The following MAN2B1 variants were observed in gnomAD, a reference collection of about 807,000 sequenced individuals.
The protein encoded by MAN2B1 is mannosidase alpha class 2B member 1, also known as lysosomal alpha-mannosidase.
Under a neutral mutation model 127.5 loss-of-function variants are expected in MAN2B1, and 99 were observed. The ratio of observed to expected loss-of-function variants is 0.78; its 90% CI spans 0.66 to 0.92. The LOEUF is 0.92. MAN2B1 is among the 40% of genes least tolerant of loss of function. MAN2B1 has a pLI of 0.00. For synonymous variants in MAN2B1, 573 were observed against 568.8 expected, an observed-to-expected ratio of 1.01 and a Z score of -0.11; for missense variants, 1,304 against 1,384.8, an observed-to-expected ratio of 0.94 and a Z score of 0.93.
At chr19:12,660,979 G>A (rs1336790728) in intron 7 of MAN2B1, 4 of 374,504 alleles carry the variant, frequency 1.1e-5, no homozygotes, top group East Asian at 6.5e-5. Context: ...GGCTGGTCTC[G>A]AATTCCTGAC....
chr19:12,647,695 G>A lies in MAN2B1; in HGVS notation c.2665-97C>T. 9.7e-7 allele frequency: 1 copy of A among 1,035,134 alleles called. No individual in the cohort carries two copies. Among genetic ancestry groups the A allele is most frequent in the South Asian group, 1.5e-5 (1 of 65,276 alleles). 64.1% of individuals were successfully genotyped at this position (1,035,134 alleles called of 1,614,324 possible). A position where few individuals can be genotyped will look rare whatever the true frequency, so the allele number is the denominator to read the frequency against. The stretch of plus-strand genomic sequence containing the variant: ...GTCAGGAGGCAGGGCTAGGTTGTAG[G>A]GGCGGGGTTTCGCCGGAGAGGGGCA... On this transcript the variant is annotated intron_variant, in intron 21 of 23. Coordinates refer to ENST00000456935, the MANE Select transcript of MAN2B1 (RefSeq NM_000528.4). The surrounding 1 kb of genome is among the most constrained non-coding windows in gnomAD (Gnocchi z 4.9).
Position 12,665,389 on chromosome 19 carries a change from A to G in MAN2B1, c.399T>C (p.Asn133=), listed in dbSNP as rs2024206780. 3.8e-6 allele frequency: 6 copies of G among 1,599,350 alleles called. No individual in the cohort carries two copies. Among genetic ancestry groups the G allele is most frequent in the African/African-American group, 2.7e-5 (2 of 74,276 alleles). Residue 133 remains asparagine, a synonymous_variant, in exon 3 of 24, where the codon AAT becomes AAC. Coordinates refer to ENST00000456935, the MANE Select transcript of MAN2B1 (RefSeq NM_000528.4). ...GGTCTCGCACGACTTCCTGTGTGGCATTTGTCTGCTGGTGCCACCAACGGG... is the reference window on the plus strand; with the variant it reads ...GGTCTCGCACGACTTCCTGTGTGGCGTTTGTCTGCTGGTGCCACCAACGGG... ...FFSRWWHQQT[N]ATQEVVRDLV...
intron 18 of MAN2B1, 29 bp from the exon 19 acceptor site, chr19:12,649,457 T>C (rs758193560): frequency 5.2e-6 from 6 of 1,164,744 alleles, no homozygotes; most frequent in African/African-American, 1.7e-5. Flanking sequence ...TGATCAGGCT[T>C]GGGATCTGGC....
intron 3 of MAN2B1, 132 bp downstream of exon 3, chr19:12,665,220 G>A: frequency 8.2e-7 from 1 of 1,216,472 alleles, no homozygotes; most frequent in African/African-American, 1.5e-5. Flanking sequence ...TCTCCAAATG[G>A]AGAGTCCAGG....
At position 12,648,357 on chromosome 19, in the gene MAN2B1, G is replaced by A; in HGVS notation, c.2482C>T (p.Pro828Ser). The A allele has an allele frequency of 6.2e-7, 1 of 1,613,556 alleles. No individual in the cohort carries two copies. Among genetic ancestry groups the A allele is most frequent in the Non-Finnish European group, 8.5e-7 (1 of 1,179,674 alleles). ...GCCCCCGACCCGTTCTCCATTAGTGGCTCCGATACTCCGCGTCCATCGTCC... is the reference window on the plus strand; with the variant it reads ...GCCCCCGACCCGTTCTCCATTAGTGACTCCGATACTCCGCGTCCATCGTCC... Reference protein sequence around the residue: ...LKDDGRGVSEPLMENGSGAWV... With the variant: ...LKDDGRGVSESLMENGSGAWV... The change falls in exon 21 of 24, where the codon CCA becomes TCA. Residue 828 changes from proline to serine, a missense_variant. Pro to Ser is a moderately conservative substitution (Grantham distance 74). Coordinates refer to ENST00000456935, the MANE Select transcript of MAN2B1 (RefSeq NM_000528.4).
chr19:12,649,828 T>G (rs2023798300), intron 18 of MAN2B1, 85 bp downstream of exon 18: 1 of 1,150,776 alleles, frequency 8.7e-7, no homozygotes, highest in Non-Finnish European at 1.3e-6. Flanking sequence ...TCTCCCACAC[T>G]CATGTAATCA....
intron 20 of MAN2B1, 134 bp from the exon 21 acceptor site, chr19:12,648,536 G>A: frequency 1.5e-6 from 1 of 685,854 alleles, no homozygotes; most frequent in South Asian, 1.8e-5. Context: ...ATGAAGGTGA[G>A]GGTCTGGTAG....
In MAN2B1 at chr19:12,664,880, T is replaced by A; in HGVS notation, c.542A>T (p.Asp181Val). The A allele has an allele frequency of 6.2e-7, 1 of 1,614,118 alleles. No homozygotes were observed. Among genetic ancestry groups the A allele is most frequent in the Non-Finnish European group, 8.5e-7 (1 of 1,180,012 alleles). The change falls in exon 4 of 24, where the codon GAC (aspartate) becomes GTC (valine). Residue 181 changes from aspartate to valine, a missense_variant. Physicochemically the swap from Asp to Val is radical, Grantham distance 152 (BLOSUM62 -3). Coordinates refer to ENST00000456935, the MANE Select transcript of MAN2B1 (RefSeq NM_000528.4). The stretch of plus-strand genomic sequence containing the variant: ...GGGTCGCCCATCATTGCCAAATGTG[T>A]CCTCCAGAAAGCGCAGCCCAAGTGT... ...QMTLGLRFLE[D>V]TFGNDGRPRV...
intron 6 of MAN2B1, among the ~76,000 whole-genome samples, 184 bp downstream of exon 6, chr19:12,663,133 G>A (rs551528160): frequency 6.6e-6 from 1 of 151,616 alleles, no homozygotes; most frequent in South Asian, 2.1e-4. Flanking sequence ...GTGCTTGTTT[G>A]AACCCAGGAG....
chr19:12,664,209 G>A (rs991610915), intron 4 of MAN2B1, among the ~76,000 whole-genome samples: 1 of 152,154 alleles, frequency 6.6e-6, no homozygotes, highest in Non-Finnish European at 1.5e-5. Flanking sequence ...CTGGATGACA[G>A]CAAGACCCTG....
rs1218732376 is a variant in MAN2B1, at chr19:12,650,066, C to G, written c.2165+38G>C. On this transcript the variant is annotated intron_variant, in intron 17 of 23. Transcript: ENST00000456935. ...TGAGCCTTGGATAAACCCCTCTGCC[C>G]TTGCTTCCACACCCCTCTCCCAGCC... 3.7e-6 allele frequency: 6 copies of G among 1,611,060 alleles called. No homozygotes were observed. In the African/African-American group the frequency reaches 8.0e-5, roughly 22 times the overall value.
Position 12,663,472 on chromosome 19 carries a change from A to G in MAN2B1, c.764-10T>C. 6.2e-7 allele frequency: 1 copy of G among 1,613,544 alleles called. No homozygotes were observed. The highest frequency in any genetic ancestry group is 8.5e-7 in the Non-Finnish European group (1 of 1,179,864). ...CCATTGGGAAGCACACCTGCAGGTC[A>G]CACCAAGTTCAAGGGGTGGCCCATC... On this transcript the variant is annotated splice_polypyrimidine_tract_variant and intron_variant, in intron 5 of 23. Transcript: ENST00000456935.
chr19:12,663,268 TC>T lies in MAN2B1; in HGVS notation c.909+48del. 3 of 1,606,884 alleles carry T rather than the reference TC, an allele frequency of 1.9e-6. 1 individual carries two copies. In the South Asian group the frequency reaches 3.3e-5, roughly 18 times the overall value. Reference sequence around the variant, plus strand: ...GGGATGCCTGTACCATGGAAAGAGCTCATTGTATTGTATATACCGGACTCGA... The same window carrying T: ...GGGATGCCTGTACCATGGAAAGAGCTATTGTATTGTATATACCGGACTCGA... On this transcript the variant is annotated intron_variant, in intron 6 of 23. Transcript: ENST00000456935.
chr19:12,657,811 C>T, intron 10 of MAN2B1: 1 of 607,390 alleles, frequency 1.6e-6, no homozygotes, highest in Non-Finnish European at 2.9e-6. Context: ...AAAAATTAGC[C>T]GGGCGTGGTG....
Position 12,665,777 on chromosome 19 carries a change from A to G in MAN2B1, c.188T>C (p.Leu63Pro). ...ETCPTVQPNM[L>P]NVHLLPHTHD... ...TGTGTGAGGCAGCAGGTGCACGTTC[A>G]GCATGTTCGGCTGCACTGTGGGGCA... is the stretch of plus-strand genomic sequence containing the variant. Residue 63 changes from leucine to proline, a missense_variant, in exon 2 of 24, where the codon CTG becomes CCG. Leu to Pro is a moderately conservative substitution (Grantham distance 98). Transcript: ENST00000456935. The G allele has an allele frequency of 6.2e-7, 1 of 1,614,152 alleles. No homozygotes were observed. Among genetic ancestry groups the G allele is most frequent in the East Asian group, 2.2e-5 (1 of 44,886 alleles).
chr19:12,661,094 T>C, intron 7 of MAN2B1, 166 bp downstream of exon 7: 1 of 640,012 alleles, frequency 1.6e-6, no homozygotes, highest in East Asian at 2.9e-5. Flanking sequence ...TGTAAGACAA[T>C]GTATTTCTGT....
intron 11 of MAN2B1, 102 bp from the exon 12 acceptor site, chr19:12,657,158 C>T (rs2023983933): frequency 3.8e-6 from 3 of 779,662 alleles, no homozygotes; most frequent in African/African-American, 1.7e-5. Flanking sequence ...CCGCCTCCCT[C>T]AAGAGTCGCC....
Position 12,663,735 on chromosome 19 carries a change from C to A in MAN2B1, c.731G>T (p.Ser244Ile). 3 of 1,613,588 alleles carry A rather than the reference C, an allele frequency of 1.9e-6. No homozygotes were observed. Among genetic ancestry groups the A allele is most frequent in the Non-Finnish European group, 2.5e-6 (3 of 1,179,904 alleles). The change falls in exon 5 of 24, where the codon AGC becomes ATC. Residue 244 changes from serine to isoleucine, a missense_variant. Coordinates refer to ENST00000456935, the MANE Select transcript of MAN2B1 (RefSeq NM_000528.4). ...GAGGTCCGCGGTCGGGGGCTTCAGG[C>A]TGGTGCTGGCCCGCCACACCTGCTC... ...EMEQVWRAST[S>I]LKPPTADLFT...
chr19:12,658,447 TC>T lies in MAN2B1; in HGVS notation c.1089del (p.Asn364ThrfsTer9). On this transcript the variant is annotated frameshift_variant, in exon 8 of 24. Transcript: ENST00000456935. LOFTEE classifies it high-confidence loss of function. ...YSTPACYLWE[L>X]NKANLTWSVK... Reference sequence around the variant, plus strand: ...AAATACCAGGTGAGGTTGGCCTTGTTCAGCTCCCAGAGGTAACAAGCGGGGG... The same window carrying T: ...AAATACCAGGTGAGGTTGGCCTTGTTAGCTCCCAGAGGTAACAAGCGGGGG... 6.2e-7 allele frequency: 1 copy of T among 1,614,204 alleles called. No individual in the cohort carries two copies. Among genetic ancestry groups the T allele is most frequent in the East Asian group, 2.2e-5 (1 of 44,878 alleles).
Sources: allele counts gnomAD v4.1 joint callset (sites outside exome capture counted in the v4.1 genomes callset), GRCh38; gene constraint gnomAD v4.1.1; non-coding constraint Gnocchi (gnomAD v3.1); transcripts MANE v1.5; gene names NCBI Gene and HGNC (gene_info 2026-07-23, HGNC 2026-07-21).